ELN: variants seen among roughly 807,000 people sequenced by gnomAD.
ELN encodes tropoelastin.
A neutral mutation model predicts 105.8 loss-of-function variants in ELN; 65 were observed. The ratio of observed to expected loss-of-function variants is 0.61; its 90% CI spans 0.50 to 0.75. The LOEUF (loss-of-function observed/expected upper bound fraction) is 0.75. Among genes scored for constraint, ELN ranks in the 30% least tolerant of loss-of-function variants. The pLI is 0.00. For synonymous variants in ELN, 368 were observed against 389.2 expected (o/e 0.95, Z 0.64); for missense variants, 882 against 969.4 (o/e 0.91, Z 1.20).
At position 74,057,413 on chromosome 7, in the gene ELN, A is replaced by G. The variant is rs1335793440; in HGVS notation, c.1358-227A>G. 2 of 1,514,000 alleles carry G rather than the reference A, an allele frequency of 1.3e-6. No individual in the cohort carries two copies. Among genetic ancestry groups the G allele is most frequent in the Middle Eastern group, 1.8e-4 (1 of 5,630 alleles). 93.8% of individuals were successfully genotyped at this position (1,514,000 alleles called of 1,614,324 possible). ...CAGGAGCAGGAGTGCTGGGTGGGCT[A>G]GTGCCAGGTGCCCCAGGCGCAGTCC... On this transcript the variant is annotated intron_variant, in intron 21 of 32. Coordinates refer to ENST00000252034, the MANE Select transcript of ELN (RefSeq NM_000501.4).
At chr7:74,046,889 G>A in intron 12 of ELN, 122 bp downstream of exon 12, 1 of 1,145,884 alleles carries the variant, frequency 8.7e-7, no homozygotes, top group Non-Finnish European at 1.3e-6. Flanking sequence ...TTCAAGACTA[G>A]CCTGGCCAAC....
chr7:74,045,895 CG>C, intron 10 of ELN: 1 of 449,442 alleles, frequency 2.2e-6, no homozygotes, highest in Non-Finnish European at 4.1e-6. Flanking sequence ...ATTAGCTGGG[CG>C]TGGTGGCCTG....
chr7:74,059,173 CA>C (rs1554682322), intron 22 of ELN, among the ~76,000 whole-genome samples: 1 of 152,048 alleles, frequency 6.6e-6, no homozygotes, highest in Non-Finnish European at 1.5e-5. Flanking sequence ...GTCTGGCCTA[CA>C]AAAATCTTAC....
At chr7:74,053,519 T>C (rs1016279549) in intron 18 of ELN, among the ~76,000 whole-genome samples, 1 of 152,194 alleles carries the variant, frequency 6.6e-6, no homozygotes, top group African/African-American at 2.4e-5. Context: ...TATTTTCCAA[T>C]TGACCTTCTG....
At chr7:74,060,264 C>A in intron 24 of ELN, 80 bp downstream of exon 24, 1 of 1,613,700 alleles carries the variant, frequency 6.2e-7, no homozygotes, top group Non-Finnish European at 8.5e-7. Context: ...GAGGAGGCCG[C>A]TGCTTGGATC....
intron 14 of ELN, 112 bp downstream of exon 14, chr7:74,048,313 G>A (rs1554673817): frequency 1.9e-6 from 3 of 1,548,792 alleles, no homozygotes; most frequent in African/African-American, 2.7e-5. Context: ...CCTGCATCCA[G>A]ACCCTGGTCC....
intron 26 of ELN, among the ~76,000 whole-genome samples, chr7:74,061,906 T>C (rs810556): frequency 0.08 from 12,137 of 152,162 alleles, 582 homozygotes; most frequent in Middle Eastern, 0.11. Context: ...GTCTGGGCAG[T>C]CTCTGCCTCC....
chr7:74,064,492 T>C (rs1411768189), intron 29 of ELN, among the ~76,000 whole-genome samples: 2 of 151,292 alleles, frequency 1.3e-5, no homozygotes, highest in African/African-American at 2.4e-5. Flanking sequence ...GACACACGCC[T>C]GTAATCCCAG....
At position 74,056,408 on chromosome 7, in the gene ELN, G is replaced by A. The variant is rs374470120; in HGVS notation, c.1288G>A (p.Gly430Arg). Residue 430 changes from glycine to arginine, a missense_variant, in exon 20 of 33, where the codon GGA becomes AGA. Physicochemically the swap from Gly to Arg is moderately radical, Grantham distance 125 (BLOSUM62 -2). Coordinates refer to ENST00000252034, the MANE Select transcript of ELN (RefSeq NM_000501.4). Reference sequence around the variant, plus strand: ...TGGTGTCGGAGGTGTTCCCGGAGTCGGAGGTGTCCCGGGAGTTGGCATTTC... The same window carrying A: ...TGGTGTCGGAGGTGTTCCCGGAGTCAGAGGTGTCCCGGGAGTTGGCATTTC... ...VPGVGGVPGVGGVPGVGISPE... is the reference protein window; with the variant it reads ...VPGVGGVPGVRGVPGVGISPE... The A allele has an allele frequency of 1.9e-5, 30 of 1,613,754 alleles. No homozygotes were observed. The highest frequency in any genetic ancestry group is 3.3e-5 in the Admixed American group (2 of 59,964).
Position 74,046,205 on chromosome 7 carries a change from G to A in ELN, c.559G>A (p.Ala187Thr). ...PKAPGVGGAF[A>T]GIPGVGPFGG... ...CATTACAGGTGTAGGTGGAGCTTTT[G>A]CTGGAATCCCAGGTGAGGCAAGGCT... The change falls in exon 11 of 33, where the codon GCT (alanine) becomes ACT (threonine). Residue 187 changes from alanine to threonine, a missense_variant. Coordinates refer to ENST00000252034, the MANE Select transcript of ELN (RefSeq NM_000501.4). 10 of 1,614,226 alleles carry A rather than the reference G, an allele frequency of 6.2e-6. No homozygotes were observed. The highest frequency in any genetic ancestry group is 8.5e-6 in the Non-Finnish European group (10 of 1,180,022).
At chr7:74,051,384 C>T (rs1179134137) in intron 15 of ELN, among the ~76,000 whole-genome samples, 2 of 152,218 alleles carry the variant, frequency 1.3e-5, no homozygotes, top group African/African-American at 4.8e-5. Flanking sequence ...CAGCCAGGCG[C>T]TTGGATTACA....
At chr7:74,060,075 G>C in intron 23 of ELN, 28 bp downstream of exon 23, 1 of 1,614,136 alleles carries the variant, frequency 6.2e-7, no homozygotes, top group Non-Finnish European at 8.5e-7. Context: ...ATGAGCCTGA[G>C]GGGCCCCCGA....
intron 30 of ELN, 66 bp from the exon 31 acceptor site, chr7:74,065,878 A>G: frequency 6.2e-7 from 1 of 1,613,282 alleles, no homozygotes; most frequent in Non-Finnish European, 8.5e-7. Flanking sequence ...CCCAGAACCC[A>G]GCAGGGATAT....
chr7:74,033,427 T>A (rs577996191), intron 1 of ELN, among the ~76,000 whole-genome samples: 3 of 152,336 alleles, frequency 2.0e-5, no homozygotes, highest in African/African-American at 7.2e-5. Context: ...AGGGAAGGCA[T>A]CAGAGGCCCG....
At chr7:74,032,163 G>A (rs1788853305) in intron 1 of ELN, among the ~76,000 whole-genome samples, 3 of 152,188 alleles carry the variant, frequency 2.0e-5, no homozygotes, top group South Asian at 2.1e-4. Flanking sequence ...GTCTAGGATC[G>A]TGATTCTAAG....
At chr7:74,032,602 C>T (rs1443098050) in intron 1 of ELN, among the ~76,000 whole-genome samples, 3 of 152,184 alleles carry the variant, frequency 2.0e-5, no homozygotes, top group Admixed American at 6.5e-5. Context: ...CTCCCCAGGC[C>T]GTCAGGTTCA....
At position 74,043,950 on chromosome 7, in the gene ELN, A is replaced by T. The variant is rs782505589; in HGVS notation, c.469+30A>T. The T allele has an allele frequency of 1.3e-5, 21 of 1,613,730 alleles. 2 individuals are homozygous for T. In the South Asian group the frequency reaches 2.2e-4, roughly 17 times the overall value. On this transcript the variant is annotated intron_variant, in intron 9 of 32. Coordinates refer to ENST00000252034, the MANE Select transcript of ELN (RefSeq NM_000501.4). The stretch of plus-strand genomic sequence containing the variant: ...GAGCAAGGAGGGAAACAGGGACTCT[A>T]TAGGAAGAAAGCAGCCAGGACGCAG...
At position 74,051,915 on chromosome 7, in the gene ELN, TG is replaced by T; in HGVS notation, c.890-8del. On this transcript the variant is annotated splice_region_variant and splice_polypyrimidine_tract_variant and intron_variant, in intron 16 of 32. Coordinates refer to ENST00000252034, the MANE Select transcript of ELN (RefSeq NM_000501.4). ...GCAAGGACCTCACCCTCTGTGGCTGTGTTTTCAGGCGTTGGGACTCCAGCTG... is the reference window on the plus strand; with the variant it reads ...GCAAGGACCTCACCCTCTGTGGCTGTTTTTCAGGCGTTGGGACTCCAGCTG... The T allele has an allele frequency of 2.5e-6, 4 of 1,613,918 alleles. No homozygotes were observed. The highest frequency in any genetic ancestry group is 3.4e-6 in the Non-Finnish European group (4 of 1,179,988).
intron 1 of ELN, among the ~76,000 whole-genome samples, chr7:74,033,437 G>A (rs975274961): frequency 7.2e-5 from 11 of 152,262 alleles, no homozygotes; most frequent in African/African-American, 1.7e-4. Flanking sequence ...TCAGAGGCCC[G>A]AGGCGGGCCA....
Sources: gnomAD v4.1 joint callset for allele counts (sites outside exome capture counted in the v4.1 genomes callset) on GRCh38, gnomAD v4.1.1 for gene constraint, MANE v1.5 for transcripts, NCBI Gene and HGNC (gene_info 2026-07-23, HGNC 2026-07-21) for gene names.